ASTN2: variants seen among roughly 807,000 people sequenced by gnomAD.
ASTN2 encodes the protein astrotactin-2.
In ASTN2, 54 loss-of-function variants were observed where a neutral mutation model predicts 139.8. The ratio of observed to expected loss-of-function variants is 0.39; its 90% CI spans 0.31 to 0.48. The LOEUF is 0.48. Among genes scored for constraint, ASTN2 ranks in the 20% least tolerant of loss-of-function variants. The probability of loss-of-function intolerance (pLI) is 0.95; values close to 1 mark genes in which losing one functional copy is unlikely to be tolerated. For synonymous variants in ASTN2, 756 were observed against 719.5 expected (o/e 1.05, Z -0.81); for missense variants, 1,565 against 1,725.1 (o/e 0.91, Z 1.64).
intron 6 of ASTN2, among the ~76,000 whole-genome samples, chr9:117,019,936 C>T (rs1837825011): frequency 6.6e-6 from 1 of 151,124 alleles, no homozygotes; most frequent in Non-Finnish European, 1.5e-5. Flanking sequence ...GCAAGTTGCC[C>T]GAAAATAGAT....
At chr9:116,855,173 A>G (rs1832708159) in intron 11 of ASTN2, among the ~76,000 whole-genome samples, 1 of 152,208 alleles carries the variant, frequency 6.6e-6, no homozygotes, top group Non-Finnish European at 1.5e-5. Context: ...GAAGAAAAAA[A>G]TATTTAATGT....
chr9:117,093,231 T>C (rs1048217842), intron 5 of ASTN2, among the ~76,000 whole-genome samples: 3 of 152,212 alleles, frequency 2.0e-5, no homozygotes, highest in African/African-American at 7.2e-5. Context: ...ACTCCCTTCC[T>C]GTCCCCATAG....
chr9:116,511,739 G>T (rs4837581), intron 19 of ASTN2, among the ~76,000 whole-genome samples: 138,377 of 152,146 alleles, frequency 0.91, 63,008 homozygotes, highest in African/African-American at 0.93. Flanking sequence ...TGGGAGGGTG[G>T]ATGTGTCCAG....
intron 19 of ASTN2, among the ~76,000 whole-genome samples, chr9:116,539,265 C>T (rs1016734586): frequency 2.6e-5 from 4 of 151,566 alleles, no homozygotes; most frequent in South Asian, 2.1e-4. Flanking sequence ...TAAAATTGAC[C>T]GTGGTGATAA....
At chr9:117,011,202 A>G (rs1247607184) in intron 6 of ASTN2, among the ~76,000 whole-genome samples, 1 of 152,228 alleles carries the variant, frequency 6.6e-6, no homozygotes, top group Non-Finnish European at 1.5e-5. Flanking sequence ...ATGGGTTTCC[A>G]TGAAAGAGAT....
chr9:116,465,841 T>C (rs1391982091), intron 20 of ASTN2, among the ~76,000 whole-genome samples: 2 of 152,110 alleles, frequency 1.3e-5, no homozygotes, highest in Non-Finnish European at 2.9e-5. Flanking sequence ...ACTTGATGAG[T>C]AGTCTTCAAG....
intron 1 of ASTN2, among the ~76,000 whole-genome samples, chr9:117,299,149 A>C (rs1029935822): frequency 1.3e-4 from 20 of 152,216 alleles, no homozygotes; most frequent in Non-Finnish European, 2.1e-4. Context: ...AGCTGGAAAA[A>C]AAATACACTG....
chr9:117,292,843 G>A (rs2130785791), intron 1 of ASTN2, among the ~76,000 whole-genome samples: 1 of 152,216 alleles, frequency 6.6e-6, no homozygotes, highest in East Asian at 1.9e-4. Context: ...AACTTGAAAA[G>A]AAGAGGAGAT....
In ASTN2 at chr9:116,592,390, C is replaced by T. The variant is rs1588048055; in HGVS notation, c.3355+25934G>A. 2.0e-5 allele frequency among the ~76,000 whole-genome samples: 3 copies of T among 152,060 alleles called. No homozygotes were observed. The South Asian group carries it at 6.2e-4, about 32-fold the overall frequency. On this transcript the variant is annotated intron_variant, in intron 19 of 22. Coordinates refer to ENST00000313400, the MANE Select transcript of ASTN2 (RefSeq NM_001365068.1). ...AGAGAGAAGGGGGAGGTGCTACACA[C>T]TTTTAAACAGCCAGATCTCAGGATA...
chr9:117,137,916 C>T (rs1404976816), intron 4 of ASTN2, among the ~76,000 whole-genome samples: 5 of 152,180 alleles, frequency 3.3e-5, no homozygotes, highest in Non-Finnish European at 2.9e-5. Flanking sequence ...AGCACATTTA[C>T]TGTGCTACTT....
intron 19 of ASTN2, chr9:116,612,296 A>G (rs1649319364): frequency 6.6e-6 from 1 of 152,198 alleles, no homozygotes; most frequent in South Asian, 2.1e-4. Context: ...CCCCACTGTC[A>G]ACATTAGATA....
At chr9:116,499,660 G>A (rs1327482957) in intron 19 of ASTN2, among the ~76,000 whole-genome samples, 1 of 152,192 alleles carries the variant, frequency 6.6e-6, no homozygotes, top group Admixed American at 6.5e-5. Flanking sequence ...TGCAGAACAA[G>A]TGAGTCAATG....
chr9:116,921,670 G>A (rs986833864), intron 10 of ASTN2, among the ~76,000 whole-genome samples: 4 of 151,902 alleles, frequency 2.6e-5, no homozygotes, highest in East Asian at 1.9e-4. Flanking sequence ...GTTCTGCATG[G>A]CTGGAGAGGC....
intron 19 of ASTN2, among the ~76,000 whole-genome samples, chr9:116,536,078 C>G (rs1401313287): frequency 1.3e-5 from 2 of 151,920 alleles, no homozygotes; most frequent in African/African-American, 4.8e-5. Flanking sequence ...TTTCTCTAAA[C>G]TTCTCTTCTT....
chr9:116,633,696 C>T (rs897001379), intron 17 of ASTN2, among the ~76,000 whole-genome samples: 7 of 152,220 alleles, frequency 4.6e-5, no homozygotes, highest in South Asian at 4.1e-4. Context: ...TTTTCCAGTA[C>T]GCCCATTGTC....
intron 1 of ASTN2, among the ~76,000 whole-genome samples, chr9:117,401,850 T>A (rs1830836792): frequency 6.6e-6 from 1 of 152,146 alleles, no homozygotes; most frequent in Non-Finnish European, 1.5e-5. Context: ...TCAACTATTT[T>A]TAAAAAGTTA....
intron 2 of ASTN2, among the ~76,000 whole-genome samples, chr9:117,267,746 C>T (rs775899995): frequency 6.6e-6 from 1 of 152,154 alleles, no homozygotes; most frequent in South Asian, 2.1e-4. Flanking sequence ...TTTGTTGATA[C>T]CTTTGCCTCT....
intron 10 of ASTN2, among the ~76,000 whole-genome samples, chr9:116,886,572 G>T (rs75485655): frequency 0.06 from 9,116 of 152,016 alleles, 583 homozygotes; most frequent in African/African-American, 0.17. Flanking sequence ...TTACTATGTT[G>T]TCCAGGCTGG....
intron 19 of ASTN2, among the ~76,000 whole-genome samples, chr9:116,510,635 C>T (rs1850333456): frequency 1.3e-5 from 2 of 152,184 alleles, no homozygotes; most frequent in Non-Finnish European, 2.9e-5. Flanking sequence ...TATCCATGAG[C>T]ATGGAATGTT....
Sources: allele counts gnomAD v4.1 joint callset (sites outside exome capture counted in the v4.1 genomes callset), GRCh38; gene constraint gnomAD v4.1.1; transcripts MANE v1.5; gene names NCBI Gene and HGNC (gene_info 2026-07-23, HGNC 2026-07-21).